KIT: variants seen among roughly 807,000 people sequenced by gnomAD.
The protein encoded by KIT is KIT proto-oncogene, receptor tyrosine kinase.
In KIT, 16 loss-of-function variants were observed where a neutral mutation model predicts 105.7. The observed-to-expected ratio is 0.15, with a 90% CI of 0.10 to 0.23. KIT has a LOEUF of 0.23. Among genes scored for constraint, KIT ranks in the 10% least tolerant of loss-of-function variants. The pLI is 1.00. For missense variants in KIT, 858 were observed against 1,213.8 expected (o/e 0.71, Z 4.36); for synonymous variants, 438 against 441.1 (o/e 0.99, Z 0.09).
chr4:54,658,719 G>T (rs567114464), intron 1 of KIT, among the ~76,000 whole-genome samples: 1 of 151,832 alleles, frequency 6.6e-6, no homozygotes, highest in East Asian at 2.0e-4. Flanking sequence ...TTAGGCTTTT[G>T]CGCTGGGAGT....
intron 1 of KIT, among the ~76,000 whole-genome samples, chr4:54,684,622 G>A (rs1447477682): frequency 6.6e-6 from 1 of 152,056 alleles, no homozygotes; most frequent in African/African-American, 2.4e-5. Flanking sequence ...CACTGACTCC[G>A]AGGGTCCTCC....
intron 4 of KIT, among the ~76,000 whole-genome samples, chr4:54,703,169 TC>T (rs1358456569): frequency 6.6e-6 from 1 of 152,194 alleles, no homozygotes; most frequent in Non-Finnish European, 1.5e-5. Flanking sequence ...CTTAGATGTC[TC>T]TTATACCTTG....
rs1439977705 is a variant in KIT at position 54,725,999 on chromosome 4, G to T, written c.1489G>T (p.Val497Leu). ...GGTTGAATGTAAGGCTTACAACGAT[G>T]TGGGCAAGACTTCTGCCTATTTTAA... ...GTVECKAYND[V>L]GKTSAYFNFA... Residue 497 changes from valine (V) to leucine (L), a missense_variant, in exon 9 of 21, where the codon GTG becomes TTG. By Grantham distance (32) the Val-to-Leu change is conservative. Transcript: ENST00000288135. 1.9e-6 allele frequency: 3 copies of T among 1,614,034 alleles called. No individual in the cohort carries two copies. In the African/African-American group the frequency reaches 4.0e-5, roughly 22 times the overall value.
intron 1 of KIT, among the ~76,000 whole-genome samples, chr4:54,692,857 C>A (rs2109650495): frequency 6.6e-6 from 1 of 152,276 alleles, no homozygotes; most frequent in East Asian, 1.9e-4. Flanking sequence ...GTCTTTTGAT[C>A]TGGGGTGTAC....
chr4:54,702,181 T>C (rs1227671098), intron 4 of KIT, among the ~76,000 whole-genome samples: 1 of 152,150 alleles, frequency 6.6e-6, no homozygotes, highest in African/African-American at 2.4e-5. Context: ...AAAAAATAGG[T>C]ATAATTCCAC....
intron 2 of KIT, among the ~76,000 whole-genome samples, chr4:54,697,073 GA>G (rs1720121913): frequency 6.6e-6 from 1 of 152,136 alleles, no homozygotes; most frequent in South Asian, 2.1e-4. Context: ...TAAGATGTTT[GA>G]ATACTTAAGT....
intron 1 of KIT, among the ~76,000 whole-genome samples, chr4:54,673,164 G>A (rs868514986): frequency 7.2e-5 from 11 of 152,098 alleles, no homozygotes; most frequent in Admixed American, 1.3e-4. Flanking sequence ...GACACAATGT[G>A]CTCGCTGCTT....
chr4:54,678,120 A>G (rs1038776685), intron 1 of KIT, among the ~76,000 whole-genome samples: 2 of 152,210 alleles, frequency 1.3e-5, no homozygotes, highest in African/African-American at 2.4e-5. Flanking sequence ...GAAAAATTAT[A>G]AACACAATTC....
rs2109823856 is a variant in KIT, at chr4:54,740,087, AC to A, written c.*1531del. 1 of 233,696 alleles carries A rather than the reference AC, an allele frequency of 4.3e-6. No individual in the cohort carries two copies. The highest frequency in any genetic ancestry group is 2.2e-5 in the African/African-American group (1 of 45,484). 14.5% of individuals were successfully genotyped at this position (233,696 alleles called of 1,614,324 possible). Reference sequence around the variant, plus strand: ...TGCCCAATATAAAAGGCAAATGTGTACATGGCAGAGTTTGTGTGTTGTCTTG... The same window carrying A: ...TGCCCAATATAAAAGGCAAATGTGTAATGGCAGAGTTTGTGTGTTGTCTTG... On this transcript the variant is annotated 3_prime_UTR_variant, in exon 21 of 21. Transcript: ENST00000288135.
In KIT at chr4:54,695,579, C is replaced by A. The variant is rs1060502551; in HGVS notation, c.135C>A (p.Asp45Glu). The change falls in exon 2 of 21, where the codon GAC (aspartate) becomes GAA (glutamate). Residue 45 changes from aspartate to glutamate, a missense_variant. Physicochemically the swap from Asp to Glu is conservative, Grantham distance 45. Around this residue, in one of 7 missense-constraint regions of KIT, gnomAD observed 401 missense variants for 601.0 expected, o/e 0.67. Transcript: ENST00000288135. ...CATCCATCCATCCAGGAAAATCAGACTTAATAGTCCGCGTGGGCGACGAGA... is the reference window on the plus strand; with the variant it reads ...CATCCATCCATCCAGGAAAATCAGAATTAATAGTCCGCGTGGGCGACGAGA... Reference protein sequence around the residue: ...SPPSIHPGKSDLIVRVGDEIR... With the variant: ...SPPSIHPGKSELIVRVGDEIR... The A allele has an allele frequency of 1.2e-6, 2 of 1,614,088 alleles. No homozygotes were observed. The highest frequency in any genetic ancestry group is 1.7e-5 in the Admixed American group (1 of 59,996).
Position 54,738,532 on chromosome 4 carries a change from C to G in KIT, c.2906C>G (p.Pro969Arg), listed in dbSNP as rs1560426544. 1 of 1,614,126 alleles carries G rather than the reference C, an allele frequency of 6.2e-7. No individual in the cohort carries two copies. Among genetic ancestry groups the G allele is most frequent in the Non-Finnish European group, 8.5e-7 (1 of 1,180,018 alleles). ...SVGSTASSSQ[P>R]LLVHDDV ...GGCAGCACCGCTTCCTCCTCCCAGC[C>G]TCTGCTTGTGCACGACGATGTCTGA... Residue 969 changes from proline to arginine, a missense_variant, in exon 21 of 21, where the codon CCT becomes CGT. Pro to Arg is a moderately radical substitution (Grantham distance 103). Transcript: ENST00000288135.
chr4:54,691,420 A>G (rs950243858), intron 1 of KIT, among the ~76,000 whole-genome samples: 9 of 151,904 alleles, frequency 5.9e-5, no homozygotes, highest in Non-Finnish European at 1.0e-4. Context: ...GTGGCTAGGG[A>G]ACAACATCCA....
intron 5 of KIT, 70 bp from the exon 6 acceptor site, chr4:54,707,028 A>G: frequency 1.2e-6 from 1 of 846,886 alleles, no homozygotes; most frequent in South Asian, 1.5e-5. Context: ...TAATTCCAAG[A>G]TGAGGTTCTG....
At chr4:54,715,769 C>T (rs553992266) in intron 7 of KIT, among the ~76,000 whole-genome samples, 20 of 152,198 alleles carry the variant, frequency 1.3e-4, no homozygotes, top group East Asian at 5.8e-4. Context: ...ATCATAGACC[C>T]GTGAAAGCCA....
intron 1 of KIT, among the ~76,000 whole-genome samples, chr4:54,689,492 T>G (rs1333756718): frequency 6.6e-6 from 1 of 152,226 alleles, no homozygotes; most frequent in Non-Finnish European, 1.5e-5. Flanking sequence ...TTCCTGCCAA[T>G]GCTTATTTAG....
intron 2 of KIT, 90 bp from the exon 3 acceptor site, chr4:54,698,194 A>T: frequency 7.3e-7 from 1 of 1,367,412 alleles, no homozygotes; most frequent in African/African-American, 1.4e-5. Flanking sequence ...GCCACTAGTC[A>T]TGAAAGGCAA....
intron 2 of KIT, among the ~76,000 whole-genome samples, chr4:54,697,620 C>A (rs1265987480): frequency 1.3e-5 from 2 of 152,164 alleles, no homozygotes; most frequent in Non-Finnish European, 2.9e-5. Context: ...ACAAGCTCCC[C>A]TTGTGCATTT....
At chr4:54,731,470 A>C in intron 15 of KIT, 51 bp downstream of exon 15, 1 of 1,175,532 alleles carries the variant, frequency 8.5e-7, no homozygotes, top group Non-Finnish European at 1.3e-6. Flanking sequence ...GAGAGTATGT[A>C]TATCATGCTA....
chr4:54,662,873 G>A (rs1263365154), intron 1 of KIT, among the ~76,000 whole-genome samples: 5 of 151,972 alleles, frequency 3.3e-5, no homozygotes, highest in African/African-American at 4.8e-5. Context: ...ATGCCTGGCC[G>A]ACAGTTTTAA....
Sources: gnomAD v4.1 joint callset for allele counts (sites outside exome capture counted in the v4.1 genomes callset) on GRCh38, gnomAD v4.1.1 for gene constraint, gnomAD v4.1.1 regional missense constraint, MANE v1.5 for transcripts, NCBI Gene and HGNC (gene_info 2026-07-23, HGNC 2026-07-21) for gene names.